The following ARHGAP44 variants were observed in gnomAD, a reference collection of about 807,000 sequenced individuals.
ARHGAP44 encodes Rho GTPase activating protein 44.
A neutral mutation model predicts 106.8 loss-of-function variants in ARHGAP44; 43 were observed. That is an observed-to-expected ratio of 0.40 (90% confidence interval 0.32 to 0.52). The LOEUF is 0.52. Ranked by LOEUF, ARHGAP44 falls within the 20% of genes least tolerant of loss-of-function variation. ARHGAP44 has a pLI of 0.48. For synonymous variants in ARHGAP44, 439 were observed against 410.3 expected, an observed-to-expected ratio of 1.07 and a Z score of -0.85; for missense variants, 866 against 1,050.5, an observed-to-expected ratio of 0.82 and a Z score of 2.43.
At chr17:12,975,784 T>A (rs1368979131) in intron 18 of ARHGAP44, among the ~76,000 whole-genome samples, 13 of 110,210 alleles carry the variant, frequency 1.2e-4, no homozygotes, top group Admixed American at 2.7e-4. Flanking sequence ...GGTGACAGCG[T>A]GACTCCGTCT....
In ARHGAP44 at chr17:12,949,609, C is replaced by T. The variant is rs1203977587; in HGVS notation, c.974-40C>T. ...TGGCTGGTGGGTCTTGCCTCTGCCA[C>T]ATCATAACAGTTCACAACCAATATT... On this transcript the variant is annotated intron_variant, in intron 11 of 20. Transcript: ENST00000379672. This position sits in a 1 kb window ranked among gnomAD's most constrained non-coding sequence, Gnocchi z 4.1. 28 of 1,599,686 alleles carry T rather than the reference C, an allele frequency of 1.8e-5. No individual in the cohort carries two copies. The highest frequency in any genetic ancestry group is 2.1e-5 in the Non-Finnish European group (25 of 1,168,066).
rs564863659 is a variant in ARHGAP44 at position 12,851,632 on chromosome 17, C to T, written c.54-43308C>T. On this transcript the variant is annotated intron_variant, in intron 1 of 20. Coordinates refer to ENST00000379672, the MANE Select transcript of ARHGAP44 (RefSeq NM_014859.6). ...TATTTTTAGTAGAGAAACGGTTTCA[C>T]CATGTTAGTCATGGCTGGTCTCGAA... Among the ~76,000 whole-genome samples, 25 of 152,198 alleles carry T rather than the reference C, an allele frequency of 1.6e-4. 1 individual carries two copies. Among genetic ancestry groups the T allele is most frequent in the Admixed American group, 6.5e-4 (10 of 15,298 alleles).
chr17:12,846,927 G>C (rs2035586415), intron 1 of ARHGAP44, among the ~76,000 whole-genome samples: 1 of 152,172 alleles, frequency 6.6e-6, no homozygotes, highest in Non-Finnish European at 1.5e-5. Context: ...TGTGGTGCTG[G>C]AGTGGAGCTT....
chr17:12,984,214 G>A (rs1397807892), intron 19 of ARHGAP44, among the ~76,000 whole-genome samples: 1 of 152,188 alleles, frequency 6.6e-6, no homozygotes, highest in African/African-American at 2.4e-5. Flanking sequence ...GCCCACTCCT[G>A]TGGATGGGAA....
chr17:12,958,931 A>G lies in ARHGAP44; in HGVS notation c.1523+34A>G. On this transcript the variant is annotated intron_variant, in intron 16 of 20. Transcript: ENST00000379672. The surrounding 1 kb of genome is among the most constrained non-coding windows in gnomAD (Gnocchi z 4.1). ...TGGTGTCTCTTTCTCAGCACTGGGG[A>G]TTAGGGGAGGTGGTGGGGGTGGATG... The G allele has an allele frequency of 6.3e-7, 1 of 1,581,946 alleles. No homozygotes were observed. The highest frequency in any genetic ancestry group is 8.6e-7 in the Non-Finnish European group (1 of 1,163,240).
rs140597730 is a variant in ARHGAP44 at position 12,932,332 on chromosome 17, T to C, written c.582+3286T>C. Among the ~76,000 whole-genome samples, 649 of 152,358 alleles carry C rather than the reference T, an allele frequency of 4.3e-3. 5 individuals are homozygous for C. The highest frequency in any genetic ancestry group is 7.5e-3 in the Admixed American group (115 of 15,310). ...CATGTATTTATACACATTCTTAATT[T>C]GGTGAATTGCCTATTTGCATTGGCA... is the stretch of plus-strand genomic sequence containing the variant. On this transcript the variant is annotated intron_variant, in intron 7 of 20. Transcript: ENST00000379672.
chr17:12,834,864 A>G (rs2035190912), intron 1 of ARHGAP44, among the ~76,000 whole-genome samples: 1 of 152,200 alleles, frequency 6.6e-6, no homozygotes, highest in Admixed American at 6.5e-5. Context: ...ATGTAAATAC[A>G]TGATATATAA....
intron 2 of ARHGAP44, among the ~76,000 whole-genome samples, chr17:12,895,743 C>A (rs908940727): frequency 6.6e-6 from 1 of 152,132 alleles, no homozygotes; most frequent in African/African-American, 2.4e-5. Flanking sequence ...CCAGCCATCC[C>A]ATTACTGGGT....
intron 1 of ARHGAP44, among the ~76,000 whole-genome samples, chr17:12,821,103 T>G (rs559503030): frequency 6.6e-6 from 1 of 152,294 alleles, no homozygotes; most frequent in East Asian, 1.9e-4. Flanking sequence ...TTATCATCTA[T>G]TTGAACAAAC....
At chr17:12,905,030 T>G (rs969892253) in intron 3 of ARHGAP44, among the ~76,000 whole-genome samples, 4 of 151,684 alleles carry the variant, frequency 2.6e-5, no homozygotes, top group Non-Finnish European at 5.9e-5. Context: ...GCCTCCCAAG[T>G]AGCTGGGACT....
intron 1 of ARHGAP44, among the ~76,000 whole-genome samples, chr17:12,873,951 AAAAGAAAG>A (rs148068836): frequency 2.9e-4 from 37 of 126,046 alleles, no homozygotes; most frequent in African/African-American, 1.2e-3. Flanking sequence ...ATAAATAAAT[AAAAGAAAG>A]AAAGAAGGAA....
At chr17:12,980,445 G>A (rs568045280) in intron 19 of ARHGAP44, among the ~76,000 whole-genome samples, 113 of 152,304 alleles carry the variant, frequency 7.4e-4, no homozygotes, top group Middle Eastern at 6.8e-3. Flanking sequence ...CATTAGGGGC[G>A]TATAGAGGCC....
intron 16 of ARHGAP44, among the ~76,000 whole-genome samples, chr17:12,967,573 A>G (rs188391151): frequency 3.9e-5 from 6 of 152,116 alleles, no homozygotes; most frequent in Non-Finnish European, 7.4e-5. Context: ...TGACCTTCTC[A>G]CTTCGAGTAA....
intron 16 of ARHGAP44, among the ~76,000 whole-genome samples, chr17:12,969,206 A>G (rs888561467): frequency 6.6e-6 from 1 of 152,174 alleles, no homozygotes; most frequent in Non-Finnish European, 1.5e-5. Context: ...TAGCATCTCT[A>G]TCATGCTGTG....
chr17:12,977,856 G>T (rs2039726233), intron 18 of ARHGAP44, among the ~76,000 whole-genome samples: 1 of 151,960 alleles, frequency 6.6e-6, no homozygotes, highest in Non-Finnish European at 1.5e-5. Context: ...TGGCCAACAT[G>T]GTGAAACCCC....
At chr17:12,945,198 C>T (rs916956243) in intron 10 of ARHGAP44, among the ~76,000 whole-genome samples, 3 of 151,684 alleles carry the variant, frequency 2.0e-5, no homozygotes, top group Non-Finnish European at 2.9e-5. Flanking sequence ...TTAGTAGAGA[C>T]GAGGTTTCAA....
At chr17:12,974,664 G>A (rs149058599) in intron 18 of ARHGAP44, among the ~76,000 whole-genome samples, 1 of 152,180 alleles carries the variant, frequency 6.6e-6, no homozygotes, top group Non-Finnish European at 1.5e-5. Flanking sequence ...AAGACCCCCA[G>A]CGCATATCTG....
chr17:12,916,125 T>C (rs2037905635), intron 5 of ARHGAP44, 114 bp downstream of exon 5: 1 of 826,294 alleles, frequency 1.2e-6, no homozygotes, highest in African/African-American at 1.7e-5. Context: ...CTCCCCAACA[T>C]TGTTTTTCAT....
chr17:12,923,575 G>C (rs750437174), intron 6 of ARHGAP44, among the ~76,000 whole-genome samples: 8 of 152,136 alleles, frequency 5.3e-5, no homozygotes, highest in East Asian at 1.9e-4. Flanking sequence ...TTCCCCTTCA[G>C]GTGTCAGCTT....
Sources: gnomAD v4.1 joint callset for allele counts (sites outside exome capture counted in the v4.1 genomes callset) on GRCh38, gnomAD v4.1.1 for gene constraint, Gnocchi (gnomAD v3.1) non-coding constraint, MANE v1.5 for transcripts, NCBI Gene and HGNC (gene_info 2026-07-23, HGNC 2026-07-21) for gene names.